HERC4: variants seen among roughly 807,000 people sequenced by gnomAD.
HERC4 encodes the protein probable E3 ubiquitin-protein ligase HERC4.
HERC4 carries 28 observed loss-of-function variants against 124.3 expected under a neutral mutation model. The observed-to-expected ratio is 0.23, with a 90% CI of 0.17 to 0.31. The LOEUF is 0.31. HERC4 is among the 10% of genes least tolerant of loss of function. HERC4 has a pLI of 1.00. For missense variants in HERC4, 713 were observed against 1,229.3 expected, an observed-to-expected ratio of 0.58 and a Z score of 6.28; for synonymous variants, 407 against 421.5, an observed-to-expected ratio of 0.97 and a Z score of 0.42.
chr10:68,028,738 A>G (rs904354216), intron 7 of HERC4, among the ~76,000 whole-genome samples: 2 of 152,250 alleles, frequency 1.3e-5, no homozygotes, highest in African/African-American at 4.8e-5. Flanking sequence ...AAAGATCACA[A>G]GGTTTTAATT....
intron 15 of HERC4, among the ~76,000 whole-genome samples, chr10:67,979,969 A>G (rs558992135): frequency 2.0e-5 from 3 of 152,276 alleles, no homozygotes; most frequent in South Asian, 2.1e-4. Context: ...TGTCTGAGAA[A>G]AAAACAAATA....
chr10:67,972,159 G>C (rs1374504391), intron 15 of HERC4, among the ~76,000 whole-genome samples: 1 of 148,654 alleles, frequency 6.7e-6, no homozygotes, highest in African/African-American at 2.5e-5. Flanking sequence ...GGTTGCAGTG[G>C]GCCAAGGTCT....
chr10:68,035,714 T>C (rs1181122802), intron 5 of HERC4, among the ~76,000 whole-genome samples: 1 of 152,156 alleles, frequency 6.6e-6, no homozygotes, highest in African/African-American at 2.4e-5. Flanking sequence ...TCTAGCCGTA[T>C]TGCCTTCCTT....
intron 3 of HERC4, among the ~76,000 whole-genome samples, chr10:68,066,797 C>T (rs959677521): frequency 5.3e-5 from 8 of 152,092 alleles, no homozygotes; most frequent in Admixed American, 2.0e-4. Context: ...AGTTTCTGTT[C>T]GTTTGTTCAA....
chr10:67,922,044 A>C lies in HERC4; in HGVS notation c.*887T>G, dbSNP rs548499557. ...CTTTTACAATTTAATGGCATGAGAC[A>C]ACTAAGCATCAGCACCATAAAACTG... On this transcript the variant is annotated 3_prime_UTR_variant, in exon 25 of 25. Coordinates refer to ENST00000373700, the MANE Select transcript of HERC4 (RefSeq NM_015601.4). The C allele has an allele frequency of 1.3e-5, 2 of 152,346 alleles. No individual in the cohort carries two copies. Among genetic ancestry groups the C allele is most frequent in the South Asian group, 4.1e-4 (2 of 4,830 alleles). The allele number at this position is 152,346 out of a possible 1,614,324, so 9.4% of individuals were successfully genotyped here.
At position 67,954,973 on chromosome 10, in the gene HERC4, T is replaced by C; in HGVS notation, c.2183A>G (p.Lys728Arg). The C allele has an allele frequency of 1.9e-6, 3 of 1,598,014 alleles. No individual in the cohort carries two copies. The highest frequency in any genetic ancestry group is 1.7e-6 in the Non-Finnish European group (2 of 1,174,602). The change falls in exon 18 of 25, where the codon AAG (lysine) becomes AGG (arginine). Residue 728 changes from lysine to arginine, a missense_variant. Coordinates refer to ENST00000373700, the MANE Select transcript of HERC4 (RefSeq NM_015601.4). ...AAAATGTCAAATTACCTTGAGTGGCTTCTTGTAATCTATGTTCTTTGTTTT... is the reference window on the plus strand; with the variant it reads ...AAAATGTCAAATTACCTTGAGTGGCCTCTTGTAATCTATGTTCTTTGTTTT... ...LRKTKNIDYK[K>R]PLKVIFVGED...
chr10:68,010,299 T>A, intron 9 of HERC4: 1 of 968,820 alleles, frequency 1.0e-6, no homozygotes, highest in Non-Finnish European at 1.6e-6. Context: ...AGGGCTCCCA[T>A]AGCCTGGGGT....
chr10:68,060,275 T>C (rs763235747), intron 3 of HERC4, among the ~76,000 whole-genome samples: 35 of 152,166 alleles, frequency 2.3e-4, no homozygotes, highest in Non-Finnish European at 2.6e-4. Flanking sequence ...CAGACTGGAG[T>C]GCAGTGACAC....
chr10:68,010,292 G>T (rs966549935), intron 9 of HERC4: 6 of 981,782 alleles, frequency 6.1e-6, no homozygotes, highest in Non-Finnish European at 9.4e-6. Flanking sequence ...TGCAATGAGG[G>T]CTCCCATAGC....
At chr10:67,970,591 C>CAA (rs34981836) in intron 15 of HERC4, among the ~76,000 whole-genome samples, 64 of 111,880 alleles carry the variant, frequency 5.7e-4, no homozygotes, top group Middle Eastern at 5.0e-3. Context: ...GACTCTGTCT[C>CAA]AAAAAAAAAA....
At chr10:68,013,934 G>A (rs1007974553) in intron 9 of HERC4, 92 bp downstream of exon 9, 123 of 1,092,216 alleles carry the variant, frequency 1.1e-4, no homozygotes, top group Non-Finnish European at 1.6e-4. Flanking sequence ...ATGTATCTTG[G>A]AATTCTTTCG....
intron 23 of HERC4, among the ~76,000 whole-genome samples, chr10:67,927,904 C>T (rs1371961667): frequency 6.6e-6 from 1 of 152,052 alleles, no homozygotes; most frequent in African/African-American, 2.4e-5. Flanking sequence ...GGGGAAGGAG[C>T]AACCTAAGTA....
chr10:67,923,600 C>T lies in HERC4; in HGVS notation c.2942-461G>A, dbSNP rs566397547. ...TTTTGAGACGAGTCTTGCTCAGTTG[C>T]CCAGGCTGGAGTGCAGTGTGCGGTC... On this transcript the variant is annotated intron_variant, in intron 24 of 24. Transcript: ENST00000373700. Among the ~76,000 whole-genome samples the T allele has an allele frequency of 2.6e-5, 4 of 151,786 alleles. No homozygotes were observed. The South Asian group carries it at 8.3e-4, about 32-fold the overall frequency.
intron 21 of HERC4, among the ~76,000 whole-genome samples, chr10:67,939,252 A>C (rs1201086288): frequency 6.6e-6 from 1 of 152,228 alleles, no homozygotes. Context: ...ACTTGGGTAA[A>C]GAGGATGTCT....
At chr10:68,010,725 G>C in intron 9 of HERC4, 1 of 1,488,100 alleles carries the variant, frequency 6.7e-7, no homozygotes, top group South Asian at 1.2e-5. Flanking sequence ...GCCTCAAAGA[G>C]GCAGATGGTC....
chr10:68,003,259 A>C (rs1445605541), intron 9 of HERC4, among the ~76,000 whole-genome samples: 2 of 149,612 alleles, frequency 1.3e-5, no homozygotes, highest in African/African-American at 2.5e-5. Flanking sequence ...GGTTCATGCC[A>C]TTCTCTTGCA....
At chr10:67,965,578 G>C (rs904019278) in intron 16 of HERC4, 1 of 152,192 alleles carries the variant, frequency 6.6e-6, no homozygotes, top group South Asian at 2.1e-4. Context: ...ACCTGATTCC[G>C]GAAGGTGGGA....
chr10:67,995,099 T>C (rs1447225259), intron 9 of HERC4: 2 of 323,476 alleles, frequency 6.2e-6, no homozygotes, highest in East Asian at 1.8e-4. Context: ...TGGTTTCTCC[T>C]AACATTTGGC....
chr10:67,985,630 T>C (rs1439136078), intron 15 of HERC4, among the ~76,000 whole-genome samples: 1 of 152,168 alleles, frequency 6.6e-6, no homozygotes, highest in African/African-American at 2.4e-5. Context: ...AAGTAAGGCT[T>C]CTCTTTTGGC....
Sources: allele counts gnomAD v4.1 joint callset (sites outside exome capture counted in the v4.1 genomes callset), GRCh38; gene constraint gnomAD v4.1.1; transcripts MANE v1.5; gene names NCBI Gene and HGNC (gene_info 2026-07-23, HGNC 2026-07-21).